SGSM1: variants seen among roughly 807,000 people sequenced by gnomAD.
SGSM1 encodes the protein RUN and TBC1 domain containing 2.
SGSM1 carries 73 observed loss-of-function variants against 133.8 expected under a neutral mutation model. That is an observed-to-expected ratio of 0.55 (90% CI 0.45 to 0.66). The LOEUF is 0.66. Among genes scored for constraint, SGSM1 ranks in the 30% least tolerant of loss-of-function variants. The pLI, the probability that SGSM1 is intolerant of heterozygous loss-of-function variation, is 0.00. For missense variants in SGSM1, 1,213 were observed against 1,448.1 expected (o/e 0.84, Z 2.64); for synonymous variants, 563 against 573.0 (o/e 0.98, Z 0.25).
intron 15 of SGSM1, among the ~76,000 whole-genome samples, chr22:24,885,855 A>G (rs1482868381): frequency 6.6e-6 from 1 of 152,164 alleles, no homozygotes; most frequent in African/African-American, 2.4e-5. Flanking sequence ...GCTTTTTCAT[A>G]TGATGCCACG....
intron 2 of SGSM1, among the ~76,000 whole-genome samples, chr22:24,823,465 T>C (rs2330927): frequency 1.3e-5 from 2 of 151,722 alleles, no homozygotes; most frequent in Non-Finnish European, 2.9e-5. Flanking sequence ...GCTGGGCGTG[T>C]TGGCAGGTGC....
chr22:24,879,899 A>C (rs1043670893), intron 14 of SGSM1, among the ~76,000 whole-genome samples: 1 of 152,118 alleles, frequency 6.6e-6, no homozygotes, highest in Admixed American at 6.5e-5. Context: ...AATAAATGTC[A>C]GTTTCCTTCT....
At chr22:24,873,850 C>T (rs964899681) in intron 12 of SGSM1, among the ~76,000 whole-genome samples, 2 of 151,634 alleles carry the variant, frequency 1.3e-5, no homozygotes, top group African/African-American at 4.8e-5. Context: ...AAGACCCTGC[C>T]TCAGAAAAAA....
rs376542790 is a variant in SGSM1, at chr22:24,876,691, C to T, written c.1406C>T (p.Ser469Leu). Residue 469 changes from serine to leucine, a missense_variant, in exon 13 of 25, where the codon TCG (serine) becomes TTG (leucine). Ser to Leu is a moderately radical substitution (Grantham distance 145). Coordinates refer to ENST00000400358, the MANE Select transcript of SGSM1 (RefSeq NM_001098497.3). Reference sequence around the variant, plus strand: ...CAGAGTGGCTCGGCTGATGGTAGCTCGACCAATGGCTGCAACCATGAGAGG... The same window carrying T: ...CAGAGTGGCTCGGCTGATGGTAGCTTGACCAATGGCTGCAACCATGAGAGG... Reference protein sequence around the residue: ...CSQSGSADGSSTNGCNHERAP... With the variant: ...CSQSGSADGSLTNGCNHERAP... 14 of 1,613,888 alleles carry T rather than the reference C, an allele frequency of 8.7e-6. No homozygotes were observed. The highest frequency in any genetic ancestry group is 2.2e-5 in the East Asian group (1 of 44,872).
Position 24,901,951 on chromosome 22 carries a change from T to C in SGSM1, c.2729T>C (p.Met910Thr). 1 of 1,335,690 alleles carries C rather than the reference T, an allele frequency of 7.5e-7. No homozygotes were observed. The highest frequency in any genetic ancestry group is 2.3e-5 in the Admixed American group (1 of 43,160). The allele number at this position is 1,335,690 out of a possible 1,614,324, so 82.7% of individuals were successfully genotyped here. Reference sequence around the variant, plus strand: ...AACTTGGAGAAGCTGCGTAACATCATGTGCAGGTGGCTGGGGACAGCGAGG... The same window carrying C: ...AACTTGGAGAAGCTGCGTAACATCACGTGCAGGTGGCTGGGGACAGCGAGG... ...PANLEKLRNI[M>T]CSYIWQHIEI... Residue 910 changes from methionine (M) to threonine (T), a missense_variant, in exon 20 of 25, where the codon ATG (methionine) becomes ACG (threonine). By Grantham distance (81) the Met-to-Thr change is moderately conservative. Coordinates refer to ENST00000400358, the MANE Select transcript of SGSM1 (RefSeq NM_001098497.3).
At chr22:24,835,390 T>C (rs999265985) in intron 2 of SGSM1, among the ~76,000 whole-genome samples, 1 of 152,124 alleles carries the variant, frequency 6.6e-6, no homozygotes, top group Non-Finnish European at 1.5e-5. Context: ...TGCTGGGTCT[T>C]GGGAGTAGAG....
intron 2 of SGSM1, among the ~76,000 whole-genome samples, chr22:24,832,836 A>G (rs921763465): frequency 2.6e-5 from 4 of 152,180 alleles, no homozygotes; most frequent in Admixed American, 1.3e-4. Flanking sequence ...TCTGAGCTCC[A>G]TGAGGGAAGG....
intron 2 of SGSM1, among the ~76,000 whole-genome samples, chr22:24,815,204 G>A (rs1927996216): frequency 6.6e-6 from 1 of 152,186 alleles, no homozygotes. Flanking sequence ...TTGAGAAAAT[G>A]GATAGCTGAG....
chr22:24,840,606 G>A (rs1929733472), intron 2 of SGSM1, among the ~76,000 whole-genome samples: 1 of 149,622 alleles, frequency 6.7e-6, no homozygotes, highest in African/African-American at 2.5e-5. Flanking sequence ...GCCTCCCAAA[G>A]TGCTGGGATT....
intron 12 of SGSM1, among the ~76,000 whole-genome samples, chr22:24,873,645 A>G (rs575233188): frequency 5.3e-5 from 8 of 152,226 alleles, no homozygotes; most frequent in African/African-American, 1.9e-4. Context: ...GAGCCCAGGA[A>G]TTCGAGATCA....
intron 9 of SGSM1, among the ~76,000 whole-genome samples, chr22:24,864,741 A>G (rs960887219): frequency 1.3e-5 from 2 of 152,220 alleles, no homozygotes; most frequent in African/African-American, 4.8e-5. Flanking sequence ...ATGTTCTAAC[A>G]CTGGCTTGTG....
chr22:24,917,544 G>A, intron 22 of SGSM1, 114 bp from the exon 23 acceptor site: 1 of 596,000 alleles, frequency 1.7e-6, no homozygotes, highest in Non-Finnish European at 2.9e-6. Context: ...AACTGTAACT[G>A]GCTGTTAAGG....
intron 19 of SGSM1, among the ~76,000 whole-genome samples, 166 bp downstream of exon 19, chr22:24,898,725 A>G (rs1482861165): frequency 1.3e-5 from 2 of 152,032 alleles, no homozygotes; most frequent in Admixed American, 1.3e-4. Flanking sequence ...GAGAGAAGAT[A>G]ACGTAGCATT....
At chr22:24,835,542 AAG>A (rs1046012375) in intron 2 of SGSM1, among the ~76,000 whole-genome samples, 14 of 152,054 alleles carry the variant, frequency 9.2e-5, no homozygotes, top group African/African-American at 3.4e-4. Context: ...AAGGCAGAAA[AAG>A]GGGTATGTTG....
chr22:24,806,266 G>A lies in SGSM1; in HGVS notation c.-60G>A. On this transcript the variant is annotated 5_prime_UTR_variant, in exon 1 of 25. Transcript: ENST00000400358. ...TGCAGCAGCAGCGCCGCGGCCGGAGGAGCTACCGCCGCCACCGCCGCCACC... is the reference window on the plus strand; with the variant it reads ...TGCAGCAGCAGCGCCGCGGCCGGAGAAGCTACCGCCGCCACCGCCGCCACC... 2 of 1,380,158 alleles carry A rather than the reference G, an allele frequency of 1.4e-6. No individual in the cohort carries two copies. Among genetic ancestry groups the A allele is most frequent in the East Asian group, 3.1e-5 (1 of 32,574 alleles). 85.5% of individuals were successfully genotyped at this position (1,380,158 alleles called of 1,614,324 possible).
chr22:24,862,017 C>G (rs1022647562), intron 9 of SGSM1, among the ~76,000 whole-genome samples: 3 of 149,804 alleles, frequency 2.0e-5, no homozygotes, highest in Non-Finnish European at 3.0e-5. Flanking sequence ...TGCAATGGCA[C>G]AATCTCGGCT....
intron 21 of SGSM1, 38 bp downstream of exon 21, chr22:24,905,225 T>C: frequency 6.3e-7 from 1 of 1,584,910 alleles, no homozygotes. Flanking sequence ...TGAGGGTGCA[T>C]TTCCTTTCCA....
At chr22:24,841,569 G>A (rs1015721689) in intron 2 of SGSM1, among the ~76,000 whole-genome samples, 1 of 152,190 alleles carries the variant, frequency 6.6e-6, no homozygotes, top group Non-Finnish European at 1.5e-5. Flanking sequence ...CCTTCTGGCT[G>A]TATTAAAATG....
chr22:24,820,166 C>G (rs1211830277), intron 2 of SGSM1, among the ~76,000 whole-genome samples: 1 of 152,136 alleles, frequency 6.6e-6, no homozygotes, highest in African/African-American at 2.4e-5. Flanking sequence ...TCCATCCTCT[C>G]CTGTGCATGG....
Sources: allele counts gnomAD v4.1 joint callset (sites outside exome capture counted in the v4.1 genomes callset), GRCh38; gene constraint gnomAD v4.1.1; transcripts MANE v1.5; gene names NCBI Gene and HGNC (gene_info 2026-07-23, HGNC 2026-07-21).